Variants in SLCO1B1 observed in about 807,000 individuals in gnomAD.
The protein encoded by SLCO1B1 is OATP-2.
In SLCO1B1, 81 loss-of-function variants were observed where a neutral mutation model predicts 70.1. The observed-to-expected ratio is 1.16, with a 90% CI of 0.97 to 1.39. SLCO1B1 has a LOEUF of 1.39. SLCO1B1 is among the 40% of genes most tolerant of loss of function. The pLI, the probability that SLCO1B1 is intolerant of heterozygous loss-of-function variation, is 0.00. For missense variants in SLCO1B1, 895 were observed against 799.6 expected (o/e 1.12, Z -1.44); for synonymous variants, 283 against 271.5 (o/e 1.04, Z -0.42).
rs80006762 is a variant in SLCO1B1, at chr12:21,172,874, G to A, written c.226+83G>A. On this transcript the variant is annotated intron_variant, in intron 3 of 14. Coordinates refer to ENST00000256958, the MANE Select transcript of SLCO1B1 (RefSeq NM_006446.5). ...TTTACACCACTGGTTATCAACTGGGGTAAATTTATCTCTCACAGGCAATTT... is the reference window on the plus strand; with the variant it reads ...TTTACACCACTGGTTATCAACTGGGATAAATTTATCTCTCACAGGCAATTT... The A allele has an allele frequency of 3.1e-3, 4,036 of 1,318,594 alleles. 116 individuals are homozygous for A. The African/African-American group carries it at 0.053, about 17-fold the overall frequency. The allele number at this position is 1,318,594 out of a possible 1,614,324, so 81.7% of individuals were successfully genotyped here.
intron 13 of SLCO1B1, 144 bp from the exon 14 acceptor site, chr12:21,224,578 A>C: frequency 1.6e-6 from 1 of 628,518 alleles, no homozygotes; most frequent in East Asian, 2.7e-5. Context: ...AATCTTTATT[A>C]TTGGGTAGAT....
chr12:21,151,886 C>T (rs962344295), intron 2 of SLCO1B1, among the ~76,000 whole-genome samples: 1 of 151,746 alleles, frequency 6.6e-6, no homozygotes, highest in Non-Finnish European at 1.5e-5. Flanking sequence ...GGCATTTATA[C>T]AACTTGTTAT....
chr12:21,160,292 G>T (rs1434514984), intron 2 of SLCO1B1, among the ~76,000 whole-genome samples: 1 of 151,582 alleles, frequency 6.6e-6, no homozygotes, highest in East Asian at 1.9e-4. Context: ...TAAACCAATG[G>T]AACAAAATAG....
chr12:21,231,093 G>A (rs1049377365), intron 14 of SLCO1B1, among the ~76,000 whole-genome samples: 3 of 150,882 alleles, frequency 2.0e-5, no homozygotes, highest in East Asian at 2.0e-4. Context: ...TTGTCCTTGT[G>A]ATAGTTTGCT....
At chr12:21,209,805 G>T (rs1476536426) in intron 11 of SLCO1B1, among the ~76,000 whole-genome samples, 2 of 151,568 alleles carry the variant, frequency 1.3e-5, no homozygotes, top group Non-Finnish European at 2.9e-5. Flanking sequence ...TTCTCTGATG[G>T]CCAGTGATGA....
chr12:21,175,739 A>AT (rs1010917776), intron 4 of SLCO1B1, among the ~76,000 whole-genome samples: 4 of 150,690 alleles, frequency 2.7e-5, no homozygotes, highest in African/African-American at 9.8e-5. Context: ...CATCATGTCC[A>AT]TTTTTTTTCA....
intron 1 of SLCO1B1, among the ~76,000 whole-genome samples, chr12:21,138,264 G>C (rs1940256166): frequency 6.6e-6 from 1 of 152,108 alleles, no homozygotes; most frequent in African/African-American, 2.4e-5. Flanking sequence ...ATAAGTAGAG[G>C]CTGATAAGAT....
At chr12:21,173,327 T>A (rs1239547467) in intron 3 of SLCO1B1, among the ~76,000 whole-genome samples, 1 of 152,208 alleles carries the variant, frequency 6.6e-6, no homozygotes, top group Non-Finnish European at 1.5e-5. Flanking sequence ...GGTTCATATT[T>A]GTGTTTTTCC....
chr12:21,167,079 C>T (rs1190732282), intron 2 of SLCO1B1, among the ~76,000 whole-genome samples: 2 of 152,034 alleles, frequency 1.3e-5, no homozygotes, highest in African/African-American at 2.4e-5. Flanking sequence ...AACTATATGA[C>T]AAATTTTATT....
intron 2 of SLCO1B1, among the ~76,000 whole-genome samples, chr12:21,152,220 A>G (rs372587462): frequency 6.6e-6 from 1 of 152,014 alleles, no homozygotes; most frequent in African/African-American, 2.4e-5. Flanking sequence ...TTGTGACATT[A>G]TAATTTTTTT....
At chr12:21,223,456 G>A (rs1050280006) in intron 13 of SLCO1B1, among the ~76,000 whole-genome samples, 2 of 152,086 alleles carry the variant, frequency 1.3e-5, no homozygotes, top group Non-Finnish European at 2.9e-5. Context: ...AATCCATTAC[G>A]TTTGTTCAAA....
At chr12:21,141,264 A>T (rs916732000) in intron 1 of SLCO1B1, among the ~76,000 whole-genome samples, 1 of 102,474 alleles carries the variant, frequency 9.8e-6, no homozygotes, top group East Asian at 2.5e-4. Flanking sequence ...ATTCTATATT[A>T]CTTACTTGTT....
chr12:21,141,126 G>T (rs1176524954), intron 1 of SLCO1B1, among the ~76,000 whole-genome samples: 1 of 151,614 alleles, frequency 6.6e-6, no homozygotes, highest in Non-Finnish European at 1.5e-5. Context: ...GGGCTAATAG[G>T]CACATTTTAA....
At chr12:21,175,849 G>A (rs906697372) in intron 4 of SLCO1B1, among the ~76,000 whole-genome samples, 5 of 151,906 alleles carry the variant, frequency 3.3e-5, no homozygotes, top group African/African-American at 1.2e-4. Context: ...TTAAAGGCAA[G>A]TATCACAGCT....
intron 11 of SLCO1B1, among the ~76,000 whole-genome samples, chr12:21,216,717 T>G (rs1246832358): frequency 1.3e-5 from 2 of 152,172 alleles, no homozygotes; most frequent in Non-Finnish European, 2.9e-5. Context: ...ATCTGAATTC[T>G]TTGGATAATT....
intron 2 of SLCO1B1, among the ~76,000 whole-genome samples, chr12:21,146,713 G>A (rs1940387729): frequency 6.6e-6 from 1 of 151,800 alleles, no homozygotes; most frequent in South Asian, 2.1e-4. Context: ...TAAAAGTGTG[G>A]TAGTTAATCT....
intron 1 of SLCO1B1, among the ~76,000 whole-genome samples, chr12:21,139,696 G>A (rs2121035777): frequency 6.6e-6 from 1 of 152,066 alleles, no homozygotes; most frequent in Non-Finnish European, 1.5e-5. Context: ...GACTTTCATG[G>A]GCATTCACAT....
intron 8 of SLCO1B1, among the ~76,000 whole-genome samples, chr12:21,199,489 C>G (rs12303713): frequency 0.01 from 1,536 of 152,108 alleles, 35 homozygotes; most frequent in South Asian, 0.039. Context: ...AATATTATCC[C>G]CTGGCTGCTT....
In SLCO1B1 at chr12:21,222,308, A is replaced by G. The variant is rs892523436; in HGVS notation, c.1691A>G (p.Gln564Arg). 2.9e-6 allele frequency: 4 copies of G among 1,389,742 alleles called. No individual in the cohort carries two copies. In the African/African-American group the frequency reaches 4.5e-5, roughly 16 times the overall value. 86.1% of individuals were successfully genotyped at this position (1,389,742 alleles called of 1,614,324 possible). The change falls in exon 13 of 15, where the codon CAA becomes CGA. Residue 564 changes from glutamine to arginine, a missense_variant. Coordinates refer to ENST00000256958, the MANE Select transcript of SLCO1B1 (RefSeq NM_006446.5). ...CCTTTGTCTTGTTTCAGAATTGTTCAACCTGAATTGAAATCACTTGCACTG... is the reference window on the plus strand; with the variant it reads ...CCTTTGTCTTGTTTCAGAATTGTTCGACCTGAATTGAAATCACTTGCACTG... ...SHVMLIVKIV[Q>R]PELKSLALGF...
Sources: gnomAD v4.1 joint callset for allele counts (sites outside exome capture counted in the v4.1 genomes callset) on GRCh38, gnomAD v4.1.1 for gene constraint, MANE v1.5 for transcripts, NCBI Gene and HGNC (gene_info 2026-07-23, HGNC 2026-07-21) for gene names.